Variants in NTM observed in about 807,000 individuals in gnomAD.
The protein encoded by NTM is IgLON family member 2.
NTM carries 13 observed loss-of-function variants against 42.1 expected under a neutral mutation model. The observed-to-expected ratio is 0.31, with a 90% CI of 0.20 to 0.49. The LOEUF is 0.49. NTM is among the 20% of genes least tolerant of loss of function. The pLI is 0.99. For missense variants in NTM, 373 were observed against 452.8 expected (o/e 0.82, Z 1.60); for synonymous variants, 187 against 179.2 (o/e 1.04, Z -0.35).
intron 4 of NTM, among the ~76,000 whole-genome samples, chr11:132,218,622 C>G (rs2084438850): frequency 6.6e-6 from 1 of 152,132 alleles, no homozygotes; most frequent in Non-Finnish European, 1.5e-5. Flanking sequence ...TATCAGAATC[C>G]AGGAGAGACA....
chr11:131,979,660 C>T (rs1471769544), intron 2 of NTM, among the ~76,000 whole-genome samples: 1 of 152,164 alleles, frequency 6.6e-6, no homozygotes, highest in Non-Finnish European at 1.5e-5. Context: ...GTTTGAGAGC[C>T]ACTTGCCTCA....
At chr11:131,617,475 G>A (rs1358659573) in intron 1 of NTM, among the ~76,000 whole-genome samples, 1 of 152,158 alleles carries the variant, frequency 6.6e-6, no homozygotes, top group Non-Finnish European at 1.5e-5. Flanking sequence ...GCCTGGCCAT[G>A]GAGCAACTAT....
chr11:132,190,723 T>G (rs1592123778), intron 3 of NTM, among the ~76,000 whole-genome samples: 1 of 134,526 alleles, frequency 7.4e-6, no homozygotes, highest in African/African-American at 2.9e-5. Flanking sequence ...GGTGACAGAG[T>G]GAGAATCCAT....
At chr11:132,161,589 T>A (rs4329699) in intron 3 of NTM, among the ~76,000 whole-genome samples, 1 of 151,356 alleles carries the variant, frequency 6.6e-6, no homozygotes, top group Non-Finnish European at 1.5e-5. Context: ...GGCTCATGCG[T>A]CCTCCAATTT....
At chr11:131,828,515 A>G (rs934904055) in intron 1 of NTM, among the ~76,000 whole-genome samples, 1 of 151,998 alleles carries the variant, frequency 6.6e-6, no homozygotes, top group African/African-American at 2.4e-5. Flanking sequence ...CACCATCATC[A>G]TCACTACCAC....
chr11:131,915,829 C>T (rs1419750739), intron 2 of NTM, among the ~76,000 whole-genome samples: 1 of 152,166 alleles, frequency 6.6e-6, no homozygotes, highest in East Asian at 1.9e-4. Context: ...TCACTACCAC[C>T]AGAGCAGTAT....
intron 7 of NTM, among the ~76,000 whole-genome samples, chr11:132,318,614 G>A (rs1319736479): frequency 3.3e-5 from 5 of 152,128 alleles, no homozygotes. Context: ...CTATGACTAA[G>A]CATCCAAGCA....
intron 1 of NTM, chr11:131,538,219 T>C (rs2052584455): frequency 6.6e-6 from 1 of 152,260 alleles, no homozygotes; most frequent in East Asian, 1.9e-4. Flanking sequence ...ATTCCAGCAA[T>C]GCACAGGACT....
intron 2 of NTM, among the ~76,000 whole-genome samples, chr11:132,072,568 C>G (rs966748166): frequency 2.6e-5 from 4 of 152,132 alleles, no homozygotes; most frequent in African/African-American, 9.7e-5. Flanking sequence ...CAGAAAAATA[C>G]TAAGTGGAGA....
At chr11:131,626,384 G>A (rs2137715689) in intron 1 of NTM, among the ~76,000 whole-genome samples, 1 of 152,220 alleles carries the variant, frequency 6.6e-6, no homozygotes, top group African/African-American at 2.4e-5. Context: ...GCTAATGCTT[G>A]GTTGTTTGGG....
chr11:132,219,509 T>C (rs1400637984), intron 4 of NTM, among the ~76,000 whole-genome samples: 1 of 151,766 alleles, frequency 6.6e-6, no homozygotes, highest in African/African-American at 2.4e-5. Flanking sequence ...TAATTTAATA[T>C]GTATAATATT....
At chr11:132,299,721 TGTG>T (rs2094770263) in intron 4 of NTM, among the ~76,000 whole-genome samples, 1 of 152,210 alleles carries the variant, frequency 6.6e-6, no homozygotes, top group Non-Finnish European at 1.5e-5. Flanking sequence ...TGTTATCAAC[TGTG>T]TGAGGTCTGT....
At chr11:132,315,675 C>T (rs150974486) in intron 7 of NTM, among the ~76,000 whole-genome samples, 346 of 152,270 alleles carry the variant, frequency 2.3e-3, no homozygotes, top group African/African-American at 7.5e-3. Flanking sequence ...CATGTGCCCT[C>T]GGTGCTAGCG....
intron 7 of NTM, among the ~76,000 whole-genome samples, chr11:132,325,925 C>A (rs557764204): frequency 6.6e-4 from 100 of 151,982 alleles, no homozygotes; most frequent in African/African-American, 2.3e-3. Flanking sequence ...GGACAAAAAA[C>A]CAAACACCGC....
At chr11:131,711,808 A>G (rs2077167009) in intron 1 of NTM, among the ~76,000 whole-genome samples, 1 of 152,064 alleles carries the variant, frequency 6.6e-6, no homozygotes, top group South Asian at 2.1e-4. Context: ...GCCATAAAAA[A>G]TGACGAGTTC....
chr11:131,479,043 G>A (rs1028402914), intron 1 of NTM, among the ~76,000 whole-genome samples: 3 of 152,190 alleles, frequency 2.0e-5, no homozygotes, highest in African/African-American at 7.2e-5. Flanking sequence ...AAAGCCAGGG[G>A]CTTAATAAAG....
chr11:131,698,580 A>G (rs1280003064), intron 1 of NTM, among the ~76,000 whole-genome samples: 1 of 152,214 alleles, frequency 6.6e-6, no homozygotes, highest in African/African-American at 2.4e-5. Flanking sequence ...CATTGGAAAA[A>G]AAAAGTCCTA....
intron 1 of NTM, among the ~76,000 whole-genome samples, chr11:131,646,763 G>C (rs998467043): frequency 6.6e-6 from 1 of 152,084 alleles, no homozygotes; most frequent in East Asian, 1.9e-4. Flanking sequence ...GAACTCTAAA[G>C]GGGGTTTCAA....
chr11:131,559,869 C>T (rs2055995771), intron 1 of NTM, among the ~76,000 whole-genome samples: 1 of 152,170 alleles, frequency 6.6e-6, no homozygotes, highest in African/African-American at 2.4e-5. Flanking sequence ...TACATCCCTT[C>T]TGCTGTCATC....
Sources: gnomAD v4.1 joint callset for allele counts (sites outside exome capture counted in the v4.1 genomes callset) on GRCh38, gnomAD v4.1.1 for gene constraint, MANE v1.5 for transcripts, NCBI Gene and HGNC (gene_info 2026-07-23, HGNC 2026-07-21) for gene names.